OTOG: variants seen among roughly 807,000 people sequenced by gnomAD.
OTOG encodes otogelin.
Under a neutral mutation model 313.8 loss-of-function variants are expected in OTOG, and 296 were observed. The observed-to-expected ratio is 0.94, with a 90% CI of 0.86 to 1.04. The LOEUF (loss-of-function observed/expected upper bound fraction) is 1.04, where lower values mean the gene tolerates loss of function less well. Among genes scored for constraint, OTOG ranks in the 50% least tolerant of loss-of-function variants. The pLI is 0.00. For synonymous variants in OTOG, 1,533 were observed against 1,554.9 expected (o/e 0.99, Z 0.33); for missense variants, 3,948 against 3,840.1 (o/e 1.03, Z -0.74).
intron 31 of OTOG, among the ~76,000 whole-genome samples, chr11:17,600,574 G>A (rs1266873020): frequency 6.6e-6 from 1 of 152,174 alleles, no homozygotes; most frequent in African/African-American, 2.4e-5. Context: ...ACCATCTGGG[G>A]GCCTGCGAGA....
At chr11:17,569,039 T>C (rs889288549) in intron 15 of OTOG, 117 bp from the exon 16 acceptor site, 53 of 1,234,012 alleles carry the variant, frequency 4.3e-5, no homozygotes, top group Non-Finnish European at 5.5e-5. Flanking sequence ...GCTCTGTCTG[T>C]CATTCTGAGG....
intron 42 of OTOG, among the ~76,000 whole-genome samples, chr11:17,633,028 AG>A (rs1016547049): frequency 4.6e-5 from 7 of 152,358 alleles, no homozygotes; most frequent in African/African-American, 1.4e-4. Context: ...ATTTTGTAAA[AG>A]AGATTTTTTA....
At chr11:17,565,423 T>A (rs1161613222) in intron 15 of OTOG, among the ~76,000 whole-genome samples, 1 of 152,244 alleles carries the variant, frequency 6.6e-6, no homozygotes, top group Non-Finnish European at 1.5e-5. Context: ...TGTTTATCAC[T>A]GTTGATTATG....
intron 42 of OTOG, among the ~76,000 whole-genome samples, chr11:17,632,622 G>GT (rs933018284): frequency 1.3e-5 from 2 of 152,076 alleles, no homozygotes; most frequent in Admixed American, 6.6e-5. Context: ...CACGGACACC[G>GT]TCCAGCACAC....
intron 53 of OTOG, 49 bp from the exon 54 acceptor site, chr11:17,643,412 G>T (rs1405282209): frequency 2.3e-6 from 3 of 1,320,898 alleles, no homozygotes; most frequent in Admixed American, 3.3e-5. Context: ...CTCCCGGCCT[G>T]GACAGGGGTC....
Position 17,639,558 on chromosome 11 carries a change from T to C in OTOG, c.7935+95T>C, listed in dbSNP as rs975026630. On this transcript the variant is annotated intron_variant, in intron 49 of 55. Coordinates refer to ENST00000399397, the MANE Select transcript of OTOG (RefSeq NM_001292063.2). ...TAGAGAATCTGCTCCTTTAATCTAGTGCAAGGAACCCGGGGTTGCAAGTCA... is the reference window on the plus strand; with the variant it reads ...TAGAGAATCTGCTCCTTTAATCTAGCGCAAGGAACCCGGGGTTGCAAGTCA... 3.0e-6 allele frequency: 4 copies of C among 1,330,530 alleles called. No individual in the cohort carries two copies. The African/African-American group carries it at 4.4e-5, about 15-fold the overall frequency. The allele number at this position is 1,330,530 out of a possible 1,614,324, so 82.4% of individuals were successfully genotyped here.
chr11:17,562,046 A>AAAT lies in OTOG; in HGVS notation c.1644+240_1644+241insATA, dbSNP rs1440986349. Among the ~76,000 whole-genome samples, 511 of 139,808 alleles carry AAAT rather than the reference A, an allele frequency of 3.7e-3. 4 individuals carry two copies. The highest frequency in any genetic ancestry group is 0.026 in the East Asian group (125 of 4,830). The allele number at this position is 139,808 out of a possible 152,430, so 91.7% of individuals were successfully genotyped here. On this transcript the variant is annotated intron_variant, in intron 15 of 55. Coordinates refer to ENST00000399397, the MANE Select transcript of OTOG (RefSeq NM_001292063.2). Reference sequence around the variant, plus strand: ...TTAGGATTTTACTACCTAAAAAAAAAATATATATATATATATATATATATA... The same window carrying AAAT: ...TTAGGATTTTACTACCTAAAAAAAAAAATATATATATATATATATATATATATA...
At chr11:17,592,586 A>G (rs1235926145) in intron 25 of OTOG, among the ~76,000 whole-genome samples, 3 of 152,206 alleles carry the variant, frequency 2.0e-5, no homozygotes, top group African/African-American at 4.8e-5. Context: ...TATGTGAATA[A>G]GATTCTACAA....
chr11:17,631,657 T>C lies in OTOG; in HGVS notation c.6713-45T>C, dbSNP rs902638676. On this transcript the variant is annotated intron_variant, in intron 40 of 55. Transcript: ENST00000399397. Reference sequence around the variant, plus strand: ...AAAGTGAGAGCTGACGACATGGGAGTGGTAGTGATGATCGTGGCTGTTGGG... The same window carrying C: ...AAAGTGAGAGCTGACGACATGGGAGCGGTAGTGATGATCGTGGCTGTTGGG... 10 of 1,437,928 alleles carry C rather than the reference T, an allele frequency of 7.0e-6. No homozygotes were observed. The African/African-American group carries it at 1.1e-4, about 16-fold the overall frequency. The allele number at this position is 1,437,928 out of a possible 1,614,324, so 89.1% of individuals were successfully genotyped here.
intron 19 of OTOG, among the ~76,000 whole-genome samples, chr11:17,573,702 C>T (rs1852456909): frequency 6.6e-6 from 1 of 152,378 alleles, no homozygotes; most frequent in Admixed American, 6.5e-5. Context: ...CTACCCGTCC[C>T]TACCCTGACC....
At chr11:17,570,162 G>A (rs1852372667) in intron 16 of OTOG, 51 bp from the exon 17 acceptor site, 4 of 1,484,230 alleles carry the variant, frequency 2.7e-6, no homozygotes, top group African/African-American at 2.8e-5. Flanking sequence ...GTGGTGGGCG[G>A]GGTGTGTACT....
chr11:17,567,030 A>G (rs1852306081), intron 15 of OTOG, among the ~76,000 whole-genome samples: 1 of 152,226 alleles, frequency 6.6e-6, no homozygotes, highest in Admixed American at 6.5e-5. Context: ...TCTGTACCCA[A>G]CTGGGTAGGA....
chr11:17,621,322 T>C (rs1853858598), intron 39 of OTOG, among the ~76,000 whole-genome samples: 1 of 152,210 alleles, frequency 6.6e-6, no homozygotes, highest in African/African-American at 2.4e-5. Context: ...GCCTTTATTC[T>C]GAGTGTGATT....
intron 33 of OTOG, among the ~76,000 whole-genome samples, chr11:17,607,909 C>T (rs1853427649): frequency 6.6e-6 from 1 of 152,192 alleles, no homozygotes; most frequent in South Asian, 2.1e-4. Flanking sequence ...CAGGGCAAGC[C>T]TGAGCACCAG....
At position 17,609,223 on chromosome 11, in the gene OTOG, A is replaced by C; in HGVS notation, c.4354+14A>C. The C allele has an allele frequency of 6.5e-7, 1 of 1,547,642 alleles. No homozygotes were observed. Among genetic ancestry groups the C allele is most frequent in the Non-Finnish European group, 8.7e-7 (1 of 1,144,362 alleles). ...ACTTGGAGGACTGTAAGTGGCCCAGACTTCTCATCCTTCCCTCAGATTTCC... is the reference window on the plus strand; with the variant it reads ...ACTTGGAGGACTGTAAGTGGCCCAGCCTTCTCATCCTTCCCTCAGATTTCC... On this transcript the variant is annotated intron_variant, in intron 35 of 55. Transcript: ENST00000399397.
Position 17,606,064 on chromosome 11 carries a change from G to A in OTOG, c.4085G>A (p.Gly1362Asp), listed in dbSNP as rs1191570842. ...AKPSSFLYVS[G>D]AVLALRLYEH... ...CCCAGCTCCTTCCTCTATGTGTCGGGCGCGGTGCTGGCCCTGCGGCTGTAC... is the reference window on the plus strand; with the variant it reads ...CCCAGCTCCTTCCTCTATGTGTCGGACGCGGTGCTGGCCCTGCGGCTGTAC... The change falls in exon 33 of 56, where the codon GGC (glycine) becomes GAC (aspartate). Residue 1362 changes from glycine to aspartate, a missense_variant. By Grantham distance (94) the Gly-to-Asp change is moderately conservative (BLOSUM62 -1). Transcript: ENST00000399397. The A allele has an allele frequency of 5.2e-6, 8 of 1,550,242 alleles. No homozygotes were observed. The highest frequency in any genetic ancestry group is 2.7e-5 in the African/African-American group (2 of 73,032).
At chr11:17,573,456 C>A (rs1036369950) in intron 19 of OTOG, among the ~76,000 whole-genome samples, 166 bp downstream of exon 19, 46 of 152,194 alleles carry the variant, frequency 3.0e-4, no homozygotes, top group Non-Finnish European at 5.9e-5. Context: ...CCAATGGCCC[C>A]CATCCCCTCC....
chr11:17,575,306 G>A (rs969617810), intron 20 of OTOG, among the ~76,000 whole-genome samples: 5 of 152,256 alleles, frequency 3.3e-5, no homozygotes, highest in African/African-American at 1.2e-4. Flanking sequence ...AGGGTTGCAA[G>A]ACAGACACAT....
At chr11:17,609,083 C>T (rs2134087722) in intron 34 of OTOG, 47 bp from the exon 35 acceptor site, 1 of 1,432,370 alleles carries the variant, frequency 7.0e-7, no homozygotes, top group East Asian at 2.5e-5. Flanking sequence ...AAGAGATGGC[C>T]CTGCCTGTAT....
Sources: gnomAD v4.1 joint callset for allele counts (sites outside exome capture counted in the v4.1 genomes callset) on GRCh38, gnomAD v4.1.1 for gene constraint, MANE v1.5 for transcripts, NCBI Gene and HGNC (gene_info 2026-07-23, HGNC 2026-07-21) for gene names.